The following NFE2L2 variants were observed in gnomAD, a reference collection of about 807,000 sequenced individuals.
NFE2L2 encodes the protein NFE2 like bZIP transcription factor 2.
In NFE2L2, 20 loss-of-function variants were observed where a neutral mutation model predicts 49.6. That is an observed-to-expected ratio of 0.40 (90% confidence interval 0.28 to 0.59). The LOEUF (loss-of-function observed/expected upper bound fraction) is 0.59. NFE2L2 is among the 20% of genes least tolerant of loss of function. The pLI, the probability that NFE2L2 is intolerant of heterozygous loss-of-function variation, is 0.40. For synonymous variants in NFE2L2, 244 were observed against 256.5 expected (o/e 0.95, Z 0.47); for missense variants, 578 against 714.2 (o/e 0.81, Z 2.17).
At chr2:177,233,551 T>A (rs1474095993) in intron 2 of NFE2L2, 1 of 555,562 alleles carries the variant, frequency 1.8e-6, no homozygotes, top group African/African-American at 2.0e-5. Flanking sequence ...CTGGGCAAAT[T>A]ATTTAACCTT....
In NFE2L2 at chr2:177,234,094, G is replaced by A. The variant is rs2105458631; in HGVS notation, c.223C>T (p.Gln75Ter). 1 of 1,614,170 alleles carries A rather than the reference G, an allele frequency of 6.2e-7. No individual in the cohort carries two copies. The highest frequency in any genetic ancestry group is 8.5e-7 in the Non-Finnish European group (1 of 1,180,032). ...EQEKAFFAQL[Q>*]LDEETGEFLP... ...AATTCACCTGTCTCTTCATCTAGTT[G>A]TAACTGAGCGAAAAAGGCTTTCTCT... is the stretch of plus-strand genomic sequence containing the variant. The change falls in exon 2 of 5, where the codon CAA (glutamine) becomes TAA (stop). Residue 75 changes from glutamine to a stop codon, truncating the protein, a stop_gained. Coordinates refer to ENST00000397062, the MANE Select transcript of NFE2L2 (RefSeq NM_006164.5). LOFTEE classifies it high-confidence loss of function.
At chr2:177,251,016 T>G (rs1218950369) in intron 1 of NFE2L2, among the ~76,000 whole-genome samples, 2 of 152,244 alleles carry the variant, frequency 1.3e-5, no homozygotes, top group Non-Finnish European at 2.9e-5. Flanking sequence ...AAATGCCAAA[T>G]GACCATGAGA....
At chr2:177,243,464 TC>T (rs1439471738) in intron 1 of NFE2L2, among the ~76,000 whole-genome samples, 1 of 152,204 alleles carries the variant, frequency 6.6e-6, no homozygotes, top group East Asian at 1.9e-4. Flanking sequence ...TCTCTTTTGA[TC>T]CTGGATTTGT....
At chr2:177,241,706 T>C (rs1330278724) in intron 1 of NFE2L2, among the ~76,000 whole-genome samples, 1 of 151,790 alleles carries the variant, frequency 6.6e-6, no homozygotes, top group East Asian at 1.9e-4. Flanking sequence ...AATTTAAAAA[T>C]TAGCCAGACA....
intron 1 of NFE2L2, among the ~76,000 whole-genome samples, chr2:177,235,668 T>C (rs922087186): frequency 1.3e-5 from 2 of 151,860 alleles, no homozygotes; most frequent in African/African-American, 4.8e-5. Context: ...CTACCCAAAA[T>C]CAAAACAAAT....
At chr2:177,244,620 A>G (rs961483260) in intron 1 of NFE2L2, among the ~76,000 whole-genome samples, 4 of 152,210 alleles carry the variant, frequency 2.6e-5, no homozygotes, top group African/African-American at 9.6e-5. Flanking sequence ...TATCCTTCCA[A>G]TAAACAAGGG....
intron 1 of NFE2L2, among the ~76,000 whole-genome samples, chr2:177,262,509 A>G (rs1690776864): frequency 6.6e-6 from 1 of 152,250 alleles, no homozygotes; most frequent in Non-Finnish European, 1.5e-5. Flanking sequence ...ACTCTGTTCA[A>G]ATCTTTATGG....
intron 1 of NFE2L2, among the ~76,000 whole-genome samples, chr2:177,244,339 T>C (rs1031233765): frequency 1.3e-5 from 2 of 150,254 alleles, no homozygotes; most frequent in African/African-American, 2.4e-5. Flanking sequence ...AGAATGGTGG[T>C]GGTTATAAAG....
At chr2:177,233,417 T>C in intron 2 of NFE2L2, 78 bp from the exon 3 acceptor site, 1 of 1,043,864 alleles carries the variant, frequency 9.6e-7, no homozygotes, top group Non-Finnish European at 1.4e-6. Flanking sequence ...CAATAATTGA[T>C]GTTCATAAAA....
At position 177,263,388 on chromosome 2, in the gene NFE2L2, A is replaced by G. The variant is rs897311719; in HGVS notation, c.45+1144T>C. The G allele has an allele frequency of 4.0e-5, 39 of 985,402 alleles. No individual in the cohort carries two copies. The African/African-American group carries it at 6.6e-4, about 17-fold the overall frequency. 61.0% of individuals were successfully genotyped at this position (985,402 alleles called of 1,614,324 possible). A position where few individuals can be genotyped will look rare whatever the true frequency, so the allele number is the denominator to read the frequency against. ...AAAAGCAACAGAAATTCTAATCTAC[A>G]CTCGCAACTCTTACCCTTGACAGCA... On this transcript the variant is annotated intron_variant, in intron 1 of 4. Transcript: ENST00000397062.
rs146125836 is a variant in NFE2L2 at position 177,254,604 on chromosome 2, T to A, written c.45+9928A>T. ...AACAGGACTCTGCTCCAAAGAGAAGTCCAGCCCCATGCGTCAACAGCGCCC... is the reference window on the plus strand; with the variant it reads ...AACAGGACTCTGCTCCAAAGAGAAGACCAGCCCCATGCGTCAACAGCGCCC... On this transcript the variant is annotated intron_variant, in intron 1 of 4. Transcript: ENST00000397062. 2.9e-3 allele frequency among the ~76,000 whole-genome samples: 441 copies of A among 152,238 alleles called. 2 individuals are homozygous for A. The highest frequency in any genetic ancestry group is 7.3e-3 in the South Asian group (35 of 4,818).
intron 1 of NFE2L2, among the ~76,000 whole-genome samples, chr2:177,247,808 T>C (rs903139640): frequency 6.6e-6 from 1 of 152,200 alleles, no homozygotes; most frequent in African/African-American, 2.4e-5. Flanking sequence ...TTTTCATTTG[T>C]GCCTTTGGAA....
intron 1 of NFE2L2, among the ~76,000 whole-genome samples, chr2:177,236,280 CTGTG>C (rs1689748370): frequency 6.6e-6 from 1 of 152,238 alleles, no homozygotes; most frequent in Non-Finnish European, 1.5e-5. Context: ...CACAGGCCAC[CTGTG>C]TCCATGATTG....
chr2:177,256,384 T>C (rs13005431), intron 1 of NFE2L2, among the ~76,000 whole-genome samples: 49,325 of 151,772 alleles, frequency 0.32, 8,323 homozygotes, highest in Non-Finnish European at 0.37. Flanking sequence ...AAATTCTATA[T>C]GCCTTAACAG....
At chr2:177,248,688 C>T (rs898276214) in intron 1 of NFE2L2, among the ~76,000 whole-genome samples, 2 of 152,244 alleles carry the variant, frequency 1.3e-5, no homozygotes, top group African/African-American at 2.4e-5. Flanking sequence ...GCATTACAGG[C>T]ATGAGCCACC....
intron 1 of NFE2L2, among the ~76,000 whole-genome samples, chr2:177,240,256 G>A (rs2105467799): frequency 6.6e-6 from 1 of 152,322 alleles, no homozygotes. Context: ...GGGCTTTGAG[G>A]AAGTGCAAGT....
chr2:177,247,911 G>A (rs573925988), intron 1 of NFE2L2, among the ~76,000 whole-genome samples: 1 of 152,120 alleles, frequency 6.6e-6, no homozygotes, highest in Non-Finnish European at 1.5e-5. Context: ...ACACTCAAAC[G>A]TGACAGGCAA....
At chr2:177,245,542 GGA>G (rs1342379547) in intron 1 of NFE2L2, among the ~76,000 whole-genome samples, 2 of 152,096 alleles carry the variant, frequency 1.3e-5, no homozygotes, top group Non-Finnish European at 2.9e-5. Context: ...ATGGTTTACA[GGA>G]GTGTTCATGG....
chr2:177,234,469 C>CA (rs1342236964), intron 1 of NFE2L2, among the ~76,000 whole-genome samples, 198 bp from the exon 2 acceptor site: 1 of 152,208 alleles, frequency 6.6e-6, no homozygotes, highest in Non-Finnish European at 1.5e-5. Context: ...TTAAAGACAA[C>CA]AAACAACCTA....
Sources: gnomAD v4.1 joint callset for allele counts (sites outside exome capture counted in the v4.1 genomes callset) on GRCh38, gnomAD v4.1.1 for gene constraint, MANE v1.5 for transcripts, NCBI Gene and HGNC (gene_info 2026-07-23, HGNC 2026-07-21) for gene names.